The following ACTR2 variants were observed in gnomAD, a reference collection of about 807,000 sequenced individuals.
ACTR2 encodes actin-related protein 2.
ACTR2 carries 5 observed loss-of-function variants against 50.2 expected under a neutral mutation model. The ratio of observed to expected loss-of-function variants is 0.10; its 90% CI spans 0.05 to 0.21. ACTR2 has a LOEUF of 0.21. Ranked by LOEUF, ACTR2 falls within the 10% of genes least tolerant of loss-of-function variation. The pLI is 1.00. For synonymous variants in ACTR2, 140 were observed against 162.9 expected, an observed-to-expected ratio of 0.86 and a Z score of 1.07; for missense variants, 180 against 480.6, an observed-to-expected ratio of 0.37 and a Z score of 5.85.
intron 3 of ACTR2, among the ~76,000 whole-genome samples, chr2:65,250,666 T>A (rs1672029955): frequency 1.0e-5 from 1 of 95,856 alleles, no homozygotes. Flanking sequence ...GAGTGAGACT[T>A]CATCTCAAAA....
intron 1 of ACTR2, among the ~76,000 whole-genome samples, chr2:65,235,550 A>G (rs1671723457): frequency 6.6e-6 from 1 of 152,112 alleles, no homozygotes; most frequent in Admixed American, 6.6e-5. Context: ...AGGTCAGGAG[A>G]TTGAGACCAT....
intron 1 of ACTR2, among the ~76,000 whole-genome samples, chr2:65,237,451 A>G (rs574223263): frequency 6.6e-5 from 10 of 152,116 alleles, no homozygotes; most frequent in African/African-American, 2.2e-4. Context: ...CGTGTTGCCC[A>G]TACTGGTCTC....
chr2:65,236,570 G>GGTTTT (rs781663735), intron 1 of ACTR2, among the ~76,000 whole-genome samples: 14 of 151,690 alleles, frequency 9.2e-5, no homozygotes, highest in Admixed American at 2.6e-4. Flanking sequence ...TGTTTTTTTG[G>GGTTTT]GTTTTGTTTT....
At chr2:65,267,862 C>CTTGTTTTTTTTT in intron 8 of ACTR2, among the ~76,000 whole-genome samples, 1 of 47,412 alleles carries the variant, frequency 2.1e-5, no homozygotes, top group African/African-American at 7.9e-5. Context: ...TGCAAGTCCT[C>CTTGTTTTTTTTT]TTTTTTTTTT....
intron 8 of ACTR2, among the ~76,000 whole-genome samples, chr2:65,266,288 A>C (rs1358796128): frequency 6.6e-6 from 1 of 152,174 alleles, no homozygotes; most frequent in East Asian, 1.9e-4. Flanking sequence ...GTGATCAGGA[A>C]AGGCCTTTTG....
At chr2:65,262,689 G>GACT (rs1672291361) in intron 7 of ACTR2, among the ~76,000 whole-genome samples, 3 of 152,096 alleles carry the variant, frequency 2.0e-5, no homozygotes, top group Non-Finnish European at 4.4e-5. Context: ...CAGGGGTGGT[G>GACT]GCTTCTGGCT....
At chr2:65,263,468 G>T (rs1316172921) in intron 7 of ACTR2, among the ~76,000 whole-genome samples, 1 of 152,046 alleles carries the variant, frequency 6.6e-6, no homozygotes, top group African/African-American at 2.4e-5. Context: ...CTACACTCAG[G>T]TTATAGAGGA....
At chr2:65,254,437 T>C (rs1034843423) in intron 5 of ACTR2, among the ~76,000 whole-genome samples, 13 of 152,246 alleles carry the variant, frequency 8.5e-5, no homozygotes, top group Non-Finnish European at 1.3e-4. Context: ...TAACTAGTTA[T>C]AATTTTCTTT....
At chr2:65,239,212 T>G (rs967789363) in intron 1 of ACTR2, among the ~76,000 whole-genome samples, 2 of 152,250 alleles carry the variant, frequency 1.3e-5, no homozygotes, top group African/African-American at 4.8e-5. Context: ...CCCAGCACTT[T>G]GGGACGCTGA....
intron 1 of ACTR2, among the ~76,000 whole-genome samples, chr2:65,234,661 G>C (rs575039789): frequency 6.6e-6 from 1 of 152,132 alleles, no homozygotes; most frequent in African/African-American, 2.4e-5. Context: ...GAGGGGAGAC[G>C]TGTCAACCTT....
intron 2 of ACTR2, chr2:65,246,056 CT>C (rs1163385025): frequency 6.5e-6 from 1 of 152,966 alleles, no homozygotes; most frequent in African/African-American, 2.4e-5. Context: ...TTATTTTTTG[CT>C]TCTTTCATTA....
chr2:65,253,789 T>C lies in ACTR2; in HGVS notation c.510T>C (p.Tyr170=), dbSNP rs1672097899. The C allele has an allele frequency of 6.2e-7, 1 of 1,613,784 alleles. No homozygotes were observed. The highest frequency in any genetic ancestry group is 1.1e-5 in the South Asian group (1 of 91,086). Residue 170 remains tyrosine, a synonymous_variant, in exon 5 of 9, where the codon TAT becomes TAC. Coordinates refer to ENST00000260641, the MANE Select transcript of ACTR2 (RefSeq NM_005722.4). ...GDGVTHICPV[Y]EGFSLPHLTR... ...GTGTGACTCACATTTGCCCAGTATA[T>C]GAAGGCTTTTCTCTCCCTCATCTTA...
rs1671666994 is a variant in ACTR2 at position 65,232,904 on chromosome 2, G to A, written c.48+4947G>A. ...CCAAGTCTTAAAATGATTGACATGG[G>A]GGAGGAATTTCAAGGATTAAGATGA... On this transcript the variant is annotated intron_variant, in intron 1 of 8. Coordinates refer to ENST00000260641, the MANE Select transcript of ACTR2 (RefSeq NM_005722.4). 3.9e-5 allele frequency among the ~76,000 whole-genome samples: 6 copies of A among 152,098 alleles called. 1 individual carries two copies. In the South Asian group the frequency reaches 1.2e-3, roughly 31 times the overall value.
At chr2:65,260,474 C>T (rs939353660) in intron 6 of ACTR2, among the ~76,000 whole-genome samples, 9 of 152,260 alleles carry the variant, frequency 5.9e-5, no homozygotes, top group African/African-American at 2.2e-4. Context: ...CCATTGCACT[C>T]CAGCCTGGGC....
chr2:65,256,600 G>A (rs1317033731), intron 6 of ACTR2, among the ~76,000 whole-genome samples: 2 of 152,088 alleles, frequency 1.3e-5, no homozygotes, highest in Admixed American at 6.6e-5. Context: ...GGCCGGGCGC[G>A]GTGGCTCACG....
intron 1 of ACTR2, among the ~76,000 whole-genome samples, chr2:65,232,835 T>G (rs73936439): frequency 0.024 from 3,582 of 152,260 alleles, 153 homozygotes; most frequent in African/African-American, 0.081. Flanking sequence ...TAAAATCTAT[T>G]TCTTAAACAC....
chr2:65,256,774 A>G (rs1015555330), intron 6 of ACTR2, among the ~76,000 whole-genome samples: 1 of 151,396 alleles, frequency 6.6e-6, no homozygotes, highest in African/African-American at 2.4e-5. Flanking sequence ...CAGGAGGCTG[A>G]GGCAGGAGAA....
intron 8 of ACTR2, 182 bp downstream of exon 8, chr2:65,265,357 A>G (rs1326527861): frequency 2.1e-5 from 15 of 715,086 alleles, no homozygotes; most frequent in East Asian, 5.7e-5. Context: ...GGTCACCTCT[A>G]TAGAGTTGGT....
intron 8 of ACTR2, 109 bp from the exon 9 acceptor site, chr2:65,268,455 A>C: frequency 1.1e-6 from 1 of 947,048 alleles, no homozygotes; most frequent in East Asian, 2.7e-5. Context: ...TACTTATATT[A>C]CAGGACTGTT....
Sources: gnomAD v4.1 joint callset for allele counts (sites outside exome capture counted in the v4.1 genomes callset) on GRCh38, gnomAD v4.1.1 for gene constraint, MANE v1.5 for transcripts, NCBI Gene and HGNC (gene_info 2026-07-23, HGNC 2026-07-21) for gene names.